The following SORCS2 variants were observed in gnomAD, a reference collection of about 807,000 sequenced individuals.
The protein encoded by SORCS2 is VPS10 domain-containing receptor SorCS2.
SORCS2 carries 100 observed loss-of-function variants against 141.6 expected under a neutral mutation model. The ratio of observed to expected loss-of-function variants is 0.71; its 90% CI spans 0.60 to 0.83. The LOEUF (loss-of-function observed/expected upper bound fraction) is 0.83, where lower values mean the gene tolerates loss of function less well. SORCS2 is among the 40% of genes least tolerant of loss of function. SORCS2 has a pLI of 0.00. For missense variants in SORCS2, 1,646 were observed against 1,560.2 expected, an observed-to-expected ratio of 1.05 and a Z score of -0.93; for synonymous variants, 789 against 676.9, an observed-to-expected ratio of 1.17 and a Z score of -2.57.
At position 7,733,337 on chromosome 4, in the gene SORCS2, C is replaced by T; in HGVS notation, c.3124C>T (p.Gln1042Ter). The T allele has an allele frequency of 6.4e-7, 1 of 1,558,046 alleles. No individual in the cohort carries two copies. The highest frequency in any genetic ancestry group is 8.7e-7 in the Non-Finnish European group (1 of 1,152,646). Residue 1042 changes from glutamine to a stop codon, truncating the protein, a stop_gained, in exon 24 of 27, where the codon CAG becomes TAG. Coordinates refer to ENST00000507866, the MANE Select transcript of SORCS2 (RefSeq NM_020777.3). LOFTEE classifies it high-confidence loss of function. ...LSSDKRLAAI[Q>*]QVLNAQKISF... ...GTGCTTGCAGAGGCTCGCCGCCATC[C>T]AGCAGGTGCTGAACGCACAGAAGAT... is the stretch of plus-strand genomic sequence containing the variant.
In SORCS2 at chr4:7,399,533, C is replaced by T. The variant is rs182404484; in HGVS notation, c.548+3178C>T. ...CTTCCCTGATGATCCAGTGCTCTGC[C>T]CCTTTCTTCTTGTGGTGGTGATGGG... On this transcript the variant is annotated intron_variant, in intron 2 of 26. Transcript: ENST00000507866. Among the ~76,000 whole-genome samples the T allele has an allele frequency of 4.0e-3, 603 of 152,294 alleles. 9 individuals carry two copies. Among genetic ancestry groups the T allele is most frequent in the African/African-American group, 0.013 (537 of 41,548 alleles).
chr4:7,564,287 A>G (rs1714807663), intron 3 of SORCS2, among the ~76,000 whole-genome samples: 1 of 152,186 alleles, frequency 6.6e-6, no homozygotes. Flanking sequence ...GGCCCCCTCT[A>G]GGACAAGGTC....
At chr4:7,386,553 TAC>T (rs201834795) in intron 1 of SORCS2, among the ~76,000 whole-genome samples, 1 of 86,980 alleles carries the variant, frequency 1.1e-5, no homozygotes, top group Non-Finnish European at 2.1e-5. Flanking sequence ...TACACAGAGA[TAC>T]ACACGCACAT....
At chr4:7,601,671 G>GTTTGTTTGTTTGTTT (rs368714594) in intron 3 of SORCS2, among the ~76,000 whole-genome samples, 1 of 129,978 alleles carries the variant, frequency 7.7e-6, no homozygotes, top group Non-Finnish European at 1.7e-5. Context: ...TTGTTTGTTT[G>GTTTGTTTGTTTGTTT]TTTGTTTTTT....
intron 4 of SORCS2, among the ~76,000 whole-genome samples, chr4:7,651,357 G>C (rs1216133962): frequency 6.6e-6 from 1 of 152,226 alleles, no homozygotes; most frequent in Non-Finnish European, 1.5e-5. Context: ...GCCTGCCCCG[G>C]TAGCTGGTTC....
intron 1 of SORCS2, among the ~76,000 whole-genome samples, chr4:7,373,071 G>A (rs1722363940): frequency 6.6e-6 from 1 of 150,474 alleles, no homozygotes; most frequent in Non-Finnish European, 1.5e-5. Context: ...AGGTCTTGGT[G>A]TGGATGTATG....
intron 1 of SORCS2, among the ~76,000 whole-genome samples, chr4:7,387,717 C>T (rs1161283975): frequency 2.0e-5 from 3 of 148,684 alleles, no homozygotes; most frequent in Non-Finnish European, 4.4e-5. Flanking sequence ...CACACACATG[C>T]ACACACATAC....
intron 1 of SORCS2, among the ~76,000 whole-genome samples, chr4:7,208,890 C>G (rs2108878708): frequency 6.6e-6 from 1 of 152,370 alleles, no homozygotes; most frequent in African/African-American, 2.4e-5. Context: ...GTGACGCCAA[C>G]CTGGCTCACC....
At chr4:7,412,759 G>C (rs1307179200) in intron 2 of SORCS2, among the ~76,000 whole-genome samples, 4 of 151,934 alleles carry the variant, frequency 2.6e-5, no homozygotes, top group Non-Finnish European at 5.9e-5. Context: ...TGCTTCACCT[G>C]TCCCCCTGGG....
At chr4:7,437,709 C>G (rs532367125) in intron 2 of SORCS2, among the ~76,000 whole-genome samples, 2 of 134,734 alleles carry the variant, frequency 1.5e-5, no homozygotes, top group Admixed American at 7.8e-5. Flanking sequence ...GGGACAAAAC[C>G]AAACACTTTT....
intron 6 of SORCS2, among the ~76,000 whole-genome samples, chr4:7,661,775 A>T (rs992232754): frequency 6.6e-6 from 1 of 152,172 alleles, no homozygotes; most frequent in African/African-American, 2.4e-5. Flanking sequence ...GGAAAAGTCT[A>T]TTAAGGGGGC....
chr4:7,646,917 G>C (rs1560453352), intron 4 of SORCS2, among the ~76,000 whole-genome samples: 1 of 152,186 alleles, frequency 6.6e-6, no homozygotes, highest in East Asian at 1.9e-4. Context: ...TGGGATCAGG[G>C]TGCATCCTGT....
chr4:7,387,830 GCACA>G, intron 1 of SORCS2, among the ~76,000 whole-genome samples: 1 of 47,524 alleles, frequency 2.1e-5, no homozygotes, highest in South Asian at 6.8e-4. Flanking sequence ...AGATACACAT[GCACA>G]TACATACACA....
chr4:7,656,644 C>G (rs191555426), intron 5 of SORCS2, among the ~76,000 whole-genome samples: 117 of 152,348 alleles, frequency 7.7e-4, no homozygotes, highest in African/African-American at 2.6e-3. Context: ...GCTGGGTGGT[C>G]TGGCCGCTTG....
At chr4:7,569,908 C>T (rs533500750) in intron 3 of SORCS2, among the ~76,000 whole-genome samples, 7 of 152,282 alleles carry the variant, frequency 4.6e-5, no homozygotes, top group African/African-American at 1.4e-4. Flanking sequence ...CTTCCTCCTC[C>T]CCACCCCTGT....
intron 1 of SORCS2, among the ~76,000 whole-genome samples, chr4:7,325,704 T>C (rs1471187717): frequency 6.6e-6 from 1 of 152,194 alleles, no homozygotes; most frequent in Admixed American, 6.5e-5. Context: ...GGCCTGGCCC[T>C]TCTCAGATGA....
intron 3 of SORCS2, among the ~76,000 whole-genome samples, chr4:7,544,882 A>G (rs1369437434): frequency 1.3e-5 from 2 of 152,172 alleles, no homozygotes; most frequent in East Asian, 3.9e-4. Context: ...GTGGGAACAG[A>G]AGCCTGAGTG....
intron 19 of SORCS2, among the ~76,000 whole-genome samples, chr4:7,724,870 AG>A (rs879728683): frequency 0.32 from 24,711 of 76,532 alleles, 5,658 homozygotes; most frequent in African/African-American, 0.38. Flanking sequence ...TGGTGGTGGT[AG>A]TGGTGATGGT....
chr4:7,237,466 G>T (rs983191268), intron 1 of SORCS2, among the ~76,000 whole-genome samples: 1 of 152,150 alleles, frequency 6.6e-6, no homozygotes, highest in Non-Finnish European at 1.5e-5. Context: ...TCTCAATATA[G>T]TTGCAGCCAG....
Sources: allele counts gnomAD v4.1 joint callset (sites outside exome capture counted in the v4.1 genomes callset), GRCh38; gene constraint gnomAD v4.1.1; transcripts MANE v1.5; gene names NCBI Gene and HGNC (gene_info 2026-07-23, HGNC 2026-07-21).